The following RAB27B variants were observed in gnomAD, a reference collection of about 807,000 sequenced individuals.
RAB27B encodes ras-related protein Rab-27B.
Under a neutral mutation model 24.6 loss-of-function variants are expected in RAB27B, and 15 were observed. That is an observed-to-expected ratio of 0.61 (90% CI 0.41 to 0.94). The LOEUF is 0.94. Among genes scored for constraint, RAB27B ranks in the 40% least tolerant of loss-of-function variants. The pLI, the probability that RAB27B is intolerant of heterozygous loss-of-function variation, is 0.00. For synonymous variants in RAB27B, 105 were observed against 92.5 expected, an observed-to-expected ratio of 1.14 and a Z score of -0.78; for missense variants, 261 against 266.8, an observed-to-expected ratio of 0.98 and a Z score of 0.15.
At chr18:54,789,138 G>C (rs921333244) in intron 2 of RAB27B, among the ~76,000 whole-genome samples, 1 of 152,142 alleles carries the variant, frequency 6.6e-6, no homozygotes, top group African/African-American at 2.4e-5. Context: ...AGAAATGTAG[G>C]CCATTACAGG....
At chr18:54,815,998 C>T (rs567975760) in intron 2 of RAB27B, among the ~76,000 whole-genome samples, 1 of 152,270 alleles carries the variant, frequency 6.6e-6, no homozygotes, top group African/African-American at 2.4e-5. Context: ...TCAATGTGAA[C>T]ATTTATCAGG....
At chr18:54,766,810 A>G (rs191361955) in intron 2 of RAB27B, among the ~76,000 whole-genome samples, 21 of 152,280 alleles carry the variant, frequency 1.4e-4, no homozygotes, top group Admixed American at 1.4e-3. Flanking sequence ...CATTTCTGTT[A>G]TTCATTCTGA....
intron 2 of RAB27B, chr18:54,718,225 A>T (rs1332386321): frequency 2.6e-5 from 4 of 151,968 alleles, no homozygotes; most frequent in Admixed American, 6.6e-5. Context: ...TGAAAGAGCC[A>T]ATGTGAGATG....
rs118101277 is a variant in RAB27B, at chr18:54,823,031, C to A, written c.-19-54536C>A. On this transcript the variant is annotated intron_variant, in intron 2 of 4. Coordinates refer to the RAB27B transcript ENST00000586570. ...AGGTTGGAACTGGGAAGGTTAAGAC[C>A]TCACCACAGAGTAGATGCAGTAGGT... 2.6e-5 allele frequency among the ~76,000 whole-genome samples: 4 copies of A among 152,294 alleles called. No homozygotes were observed. The East Asian group carries it at 7.7e-4, about 29-fold the overall frequency.
At chr18:54,843,171 C>T (rs1342597790) in intron 1 of RAB27B, among the ~76,000 whole-genome samples, 1 of 152,110 alleles carries the variant, frequency 6.6e-6, no homozygotes, top group Non-Finnish European at 1.5e-5. Flanking sequence ...TTCATTTGTA[C>T]CATTGTCACT....
chr18:54,754,393 C>T (rs982672979), intron 2 of RAB27B, among the ~76,000 whole-genome samples: 7 of 152,066 alleles, frequency 4.6e-5, no homozygotes, highest in Admixed American at 2.0e-4. Flanking sequence ...ATCTTTATAG[C>T]GGTGTGAGAA....
intron 2 of RAB27B, among the ~76,000 whole-genome samples, chr18:54,731,291 C>CA (rs1335376822): frequency 1.3e-5 from 2 of 152,026 alleles, no homozygotes; most frequent in Non-Finnish European, 2.9e-5. Flanking sequence ...TATAGAGCAA[C>CA]AAAAAAATGG....
At chr18:54,872,010 T>C (rs1015319106) in intron 1 of RAB27B, among the ~76,000 whole-genome samples, 1 of 152,136 alleles carries the variant, frequency 6.6e-6, no homozygotes, top group African/African-American at 2.4e-5. Flanking sequence ...GGAGTAGCCA[T>C]CAACACGTAA....
intron 2 of RAB27B, among the ~76,000 whole-genome samples, chr18:54,727,822 A>G (rs1395065119): frequency 1.3e-5 from 2 of 152,332 alleles, no homozygotes; most frequent in Non-Finnish European, 2.9e-5. Flanking sequence ...GAAAATATAC[A>G]TTATTATGCC....
chr18:54,749,543 A>T (rs1346028010), intron 2 of RAB27B, among the ~76,000 whole-genome samples: 1 of 152,144 alleles, frequency 6.6e-6, no homozygotes, highest in East Asian at 1.9e-4. Flanking sequence ...ATTCCTAATG[A>T]GTTACCCTCC....
At chr18:54,875,486 G>A (rs1043878565) in intron 1 of RAB27B, among the ~76,000 whole-genome samples, 27 of 152,058 alleles carry the variant, frequency 1.8e-4, no homozygotes, top group Admixed American at 1.5e-3. Context: ...TAAGGAAGAC[G>A]GGTCTTGATG....
At chr18:54,793,070 CCCCT>C (rs1021023968) in intron 2 of RAB27B, among the ~76,000 whole-genome samples, 46 of 149,494 alleles carry the variant, frequency 3.1e-4, no homozygotes, top group African/African-American at 1.1e-3. Flanking sequence ...GCAGTTCAAA[CCCCT>C]GTAGTATAAG....
At chr18:54,838,981 A>G (rs948069526) in intron 1 of RAB27B, among the ~76,000 whole-genome samples, 2 of 152,142 alleles carry the variant, frequency 1.3e-5, no homozygotes, top group Non-Finnish European at 2.9e-5. Flanking sequence ...CTTGTTTTAT[A>G]AAGAGTATAT....
intron 1 of RAB27B, among the ~76,000 whole-genome samples, chr18:54,876,894 C>T (rs1912724885): frequency 6.6e-6 from 1 of 152,022 alleles, no homozygotes. Flanking sequence ...ATCCTCTAAT[C>T]CCAAATGCAC....
intron 2 of RAB27B, among the ~76,000 whole-genome samples, chr18:54,814,646 C>G (rs938741316): frequency 6.6e-6 from 1 of 152,012 alleles, no homozygotes; most frequent in Non-Finnish European, 1.5e-5. Flanking sequence ...GATAAAAAGG[C>G]AAGGTTTGTT....
At chr18:54,794,141 T>C (rs907545745) in intron 2 of RAB27B, among the ~76,000 whole-genome samples, 3 of 152,214 alleles carry the variant, frequency 2.0e-5, no homozygotes, top group Non-Finnish European at 4.4e-5. Flanking sequence ...CTTCAGTTTT[T>C]CTATCTGTAT....
intron 1 of RAB27B, among the ~76,000 whole-genome samples, chr18:54,834,469 T>A (rs1479010991): frequency 1.3e-5 from 2 of 152,192 alleles, no homozygotes; most frequent in Non-Finnish European, 2.9e-5. Flanking sequence ...TTGATTATTT[T>A]AACATCCCTA....
At chr18:54,801,588 A>G (rs765272490) in intron 2 of RAB27B, among the ~76,000 whole-genome samples, 12 of 152,096 alleles carry the variant, frequency 7.9e-5, no homozygotes, top group Admixed American at 2.6e-4. Context: ...AGGCATGTTG[A>G]CATTTTGAGC....
At chr18:54,790,759 C>T (rs1909223921) in intron 2 of RAB27B, among the ~76,000 whole-genome samples, 1 of 152,078 alleles carries the variant, frequency 6.6e-6, no homozygotes, top group South Asian at 2.1e-4. Flanking sequence ...TAAGTGCTAT[C>T]TCTAAAAACT....
Sources: gnomAD v4.1 joint callset for allele counts (sites outside exome capture counted in the v4.1 genomes callset) on GRCh38, gnomAD v4.1.1 for gene constraint, MANE v1.5 for transcripts, NCBI Gene and HGNC (gene_info 2026-07-23, HGNC 2026-07-21) for gene names.